SLC6A16: variants seen among roughly 807,000 people sequenced by gnomAD.
SLC6A16 encodes solute carrier family 6 member 16.
In SLC6A16, 54 loss-of-function variants were observed where a neutral mutation model predicts 65.4. The observed-to-expected ratio is 0.83, with a 90% confidence interval of 0.66 to 1.04. SLC6A16 has a LOEUF of 1.04. SLC6A16 is among the 50% of genes least tolerant of loss of function. The probability of loss-of-function intolerance (pLI) is 0.00; values close to 1 mark genes in which losing one functional copy is unlikely to be tolerated. For missense variants in SLC6A16, 816 were observed against 914.0 expected (o/e 0.89, Z 1.38); for synonymous variants, 330 against 346.5 (o/e 0.95, Z 0.53).
At chr19:49,318,848 G>T (rs1235035491) in intron 1 of SLC6A16, among the ~76,000 whole-genome samples, 1 of 148,406 alleles carries the variant, frequency 6.7e-6, no homozygotes, top group Non-Finnish European at 1.5e-5. Flanking sequence ...AATTACAGGT[G>T]TGCACCACCA....
At chr19:49,304,101 C>G (rs1392143123) in intron 7 of SLC6A16, among the ~76,000 whole-genome samples, 1 of 152,136 alleles carries the variant, frequency 6.6e-6, no homozygotes, top group Non-Finnish European at 1.5e-5. Context: ...CATTGAGGGA[C>G]AGGAAAACCC....
chr19:49,326,554 G>A (rs901839800), upstream of SLC6A16, among the ~76,000 whole-genome samples: 24 of 152,080 alleles, frequency 1.6e-4, no homozygotes, highest in African/African-American at 4.6e-4. Flanking sequence ...ACAATCTTTG[G>A]GAATCATTCA....
intron 7 of SLC6A16, among the ~76,000 whole-genome samples, chr19:49,306,322 C>T (rs952587811): frequency 3.3e-5 from 5 of 151,188 alleles, no homozygotes; most frequent in Non-Finnish European, 7.4e-5. Flanking sequence ...AAAGAAAGAG[C>T]ACAGATTAAA....
chr19:49,330,911 C>T, the SLC6A16 span, among the ~76,000 whole-genome samples: 1 of 149,872 alleles, frequency 6.7e-6, no homozygotes, highest in Non-Finnish European at 1.5e-5. Flanking sequence ...CATTGCACTC[C>T]AGCCTGGGCA....
chr19:49,317,297 C>T (rs1237815978), intron 1 of SLC6A16, among the ~76,000 whole-genome samples: 3 of 151,982 alleles, frequency 2.0e-5, no homozygotes, highest in East Asian at 3.9e-4. Context: ...GCCAAGATTG[C>T]ACCACTGCAC....
intron 7 of SLC6A16, among the ~76,000 whole-genome samples, chr19:49,306,831 C>G (rs148544024): frequency 6.6e-6 from 1 of 151,814 alleles, no homozygotes; most frequent in Non-Finnish European, 1.5e-5. Context: ...CATGAGCCAC[C>G]GCACCCGGCT....
At chr19:49,297,755 A>T (rs1191105945) in intron 7 of SLC6A16, among the ~76,000 whole-genome samples, 3 of 152,206 alleles carry the variant, frequency 2.0e-5, no homozygotes, top group African/African-American at 7.2e-5. Context: ...AATACTTAGG[A>T]ATAAAAAGGA....
chr19:49,304,643 T>C (rs555560653), intron 7 of SLC6A16, among the ~76,000 whole-genome samples: 3 of 152,220 alleles, frequency 2.0e-5, no homozygotes, highest in African/African-American at 7.2e-5. Flanking sequence ...CACATGCCTG[T>C]AATCCCAGCT....
rs753409719 is a variant in SLC6A16 at position 49,290,243 on chromosome 19, C to T, written c.2091G>A (p.Met697Ile). 73 of 1,614,114 alleles carry T rather than the reference C, an allele frequency of 4.5e-5. 1 individual carries two copies. In the South Asian group the frequency reaches 6.9e-4, roughly 15 times the overall value. The change falls in exon 12 of 12, where the codon ATG becomes ATA. Residue 697 changes from methionine (M) to isoleucine (I), a missense_variant. Coordinates refer to ENST00000335875, the MANE Select transcript of SLC6A16 (RefSeq NM_014037.3). ...PFRPKSGDGPMTASTSLPLSH... is the reference protein window; with the variant it reads ...PFRPKSGDGPITASTSLPLSH... ...TTAGGGGTAGGGATGTGGAGGCTGT[C>T]ATAGGCCCGTCTCCGCTCTTGGGCC...
At chr19:49,336,920 G>T in the SLC6A16 span, 1 of 1,614,122 alleles carries the variant, frequency 6.2e-7, no homozygotes, top group Non-Finnish European at 8.5e-7. Context: ...CTTGGCCTTC[G>T]TGCCTCTGCA....
Position 49,292,479 on chromosome 19 carries a change from A to G in SLC6A16, c.1778+744T>C, listed in dbSNP as rs1970096676. On this transcript the variant is annotated intron_variant, in intron 10 of 11. Coordinates refer to ENST00000335875, the MANE Select transcript of SLC6A16 (RefSeq NM_014037.3). The surrounding 1 kb of genome is among the most constrained non-coding windows in gnomAD (Gnocchi z 4.3). ...GCAGCCATAAATACCTTTTTAAAAAACAAATCTAATAATGGCACTCCCACC... is the reference window on the plus strand; with the variant it reads ...GCAGCCATAAATACCTTTTTAAAAAGCAAATCTAATAATGGCACTCCCACC... Among the ~76,000 whole-genome samples the G allele has an allele frequency of 6.6e-6, 1 of 152,192 alleles. No homozygotes were observed. The highest frequency in any genetic ancestry group is 2.1e-4 in the South Asian group (1 of 4,826).
chr19:49,319,139 T>C (rs1253800513), intron 1 of SLC6A16, among the ~76,000 whole-genome samples: 6 of 149,180 alleles, frequency 4.0e-5, no homozygotes, highest in Non-Finnish European at 8.9e-5. Flanking sequence ...ATAGAAACAA[T>C]CCAAAATGAA....
the SLC6A16 span, chr19:49,337,560 T>C: frequency 4.4e-6 from 5 of 1,140,912 alleles, no homozygotes; most frequent in South Asian, 7.2e-5. Context: ...AGTTTGAGGC[T>C]ACAGTGAGCC....
rs1970493386 is a variant in SLC6A16, at chr19:49,310,371, C to T, written c.555G>A (p.Val185=). 6.2e-7 allele frequency: 1 copy of T among 1,614,050 alleles called. No individual in the cohort carries two copies. Among genetic ancestry groups the T allele is most frequent in the Non-Finnish European group, 8.5e-7 (1 of 1,179,984 alleles). Residue 185 remains valine (V), a synonymous_variant, in exon 3 of 12, where the codon GTG becomes GTA. Coordinates refer to ENST00000335875, the MANE Select transcript of SLC6A16 (RefSeq NM_014037.3). ...WKIIAPWIGG[V]GYSSFMVCFI... is the part of the protein sequence containing the mutation. ...TCCTCACCATGAAGCTAGAATACCC[C>T]ACACCACCAATCCAGGGGGCAATGA... is the stretch of plus-strand genomic sequence containing the variant.
intron 7 of SLC6A16, among the ~76,000 whole-genome samples, chr19:49,297,790 C>T (rs988296936): frequency 1.3e-5 from 2 of 151,890 alleles, no homozygotes; most frequent in Middle Eastern, 3.2e-3. Context: ...CATCCAGTAT[C>T]ATAGATGAAT....
chr19:49,306,485 T>C (rs1346913486), intron 7 of SLC6A16, among the ~76,000 whole-genome samples: 2 of 151,248 alleles, frequency 1.3e-5, no homozygotes, highest in Non-Finnish European at 2.9e-5. Flanking sequence ...TATGCATACA[T>C]AGATGATAGA....
At chr19:49,338,109 G>A in the SLC6A16 span, 1 of 1,549,970 alleles carries the variant, frequency 6.5e-7, no homozygotes, top group Non-Finnish European at 8.7e-7. This position sits in a 1 kb window ranked among gnomAD's most constrained non-coding sequence, Gnocchi z 5.0. Flanking sequence ...CCCAACGTGG[G>A]CCCGACCCCC....
intron 7 of SLC6A16, among the ~76,000 whole-genome samples, chr19:49,304,715 T>A (rs2146107812): frequency 6.6e-6 from 1 of 152,230 alleles, no homozygotes; most frequent in East Asian, 1.9e-4. Flanking sequence ...CTCCACCAGG[T>A]GAGAGAAAAG....
chr19:49,340,323 C>G, the SLC6A16 span: 1 of 1,611,072 alleles, frequency 6.2e-7, no homozygotes, highest in South Asian at 1.1e-5. Context: ...CGCTCGATAC[C>G]GTTAGGCCCC....
Sources: gnomAD v4.1 joint callset for allele counts (sites outside exome capture counted in the v4.1 genomes callset) on GRCh38, gnomAD v4.1.1 for gene constraint, Gnocchi (gnomAD v3.1) non-coding constraint, MANE v1.5 for transcripts, NCBI Gene and HGNC (gene_info 2026-07-23, HGNC 2026-07-21) for gene names.